OPCML: variants seen among roughly 807,000 people sequenced by gnomAD.
OPCML encodes opioid binding protein/cell adhesion molecule like, also known as opioid-binding protein/cell adhesion molecule.
A neutral mutation model predicts 37.8 loss-of-function variants in OPCML; 13 were observed. The observed-to-expected ratio is 0.34, with a 90% CI of 0.22 to 0.55. OPCML has a LOEUF of 0.55. Ranked by LOEUF, OPCML falls within the 20% of genes least tolerant of loss-of-function variation. The probability of loss-of-function intolerance (pLI) is 0.91; values close to 1 mark genes in which losing one functional copy is unlikely to be tolerated. For synonymous variants in OPCML, 176 were observed against 168.8 expected, an observed-to-expected ratio of 1.04 and a Z score of -0.33; for missense variants, 341 against 435.6, an observed-to-expected ratio of 0.78 and a Z score of 1.93.
intron 1 of OPCML, among the ~76,000 whole-genome samples, chr11:133,438,434 A>C (rs1946289844): frequency 1.3e-5 from 2 of 152,224 alleles, no homozygotes; most frequent in African/African-American, 2.4e-5. Flanking sequence ...GTAAAATTAA[A>C]GTATATCAGC....
At chr11:132,451,673 G>C (rs994588540) in intron 4 of OPCML, among the ~76,000 whole-genome samples, 2 of 152,196 alleles carry the variant, frequency 1.3e-5, no homozygotes, top group Non-Finnish European at 2.9e-5. Context: ...TGCTGCCCCT[G>C]CTGTGGGGCC....
chr11:133,327,562 C>G (rs1943503530), intron 1 of OPCML, among the ~76,000 whole-genome samples: 1 of 152,122 alleles, frequency 6.6e-6, no homozygotes, highest in South Asian at 2.1e-4. Context: ...CTCCTTAAGG[C>G]TATCTGCCCA....
intron 4 of OPCML, among the ~76,000 whole-genome samples, chr11:132,471,701 A>G (rs2096138498): frequency 6.6e-6 from 1 of 152,204 alleles, no homozygotes; most frequent in South Asian, 2.1e-4. Context: ...CATGCATTCC[A>G]GGAGTTGAGA....
At chr11:132,901,862 A>T (rs1017507915) in intron 2 of OPCML, among the ~76,000 whole-genome samples, 2 of 152,036 alleles carry the variant, frequency 1.3e-5, no homozygotes, top group African/African-American at 4.8e-5. Context: ...TTCCTTAAAA[A>T]TATATGTAAA....
At chr11:133,450,899 G>A (rs1246442301) in intron 1 of OPCML, among the ~76,000 whole-genome samples, 1 of 151,716 alleles carries the variant, frequency 6.6e-6, no homozygotes, top group Non-Finnish European at 1.5e-5. Flanking sequence ...AATAGACAGT[G>A]TACATTCTGA....
At chr11:132,779,660 T>G (rs1288180048) in intron 2 of OPCML, among the ~76,000 whole-genome samples, 1 of 152,122 alleles carries the variant, frequency 6.6e-6, no homozygotes, top group African/African-American at 2.4e-5. Flanking sequence ...CCAGACTCTC[T>G]GCATGCTTTC....
chr11:133,409,893 T>C (rs1289413492), intron 1 of OPCML, among the ~76,000 whole-genome samples: 1 of 151,962 alleles, frequency 6.6e-6, no homozygotes, highest in Non-Finnish European at 1.5e-5. Context: ...TGTGATGCAG[T>C]CTCTTCATAA....
chr11:132,498,284 A>C (rs1266379357), intron 4 of OPCML, among the ~76,000 whole-genome samples: 1 of 152,232 alleles, frequency 6.6e-6, no homozygotes, highest in Non-Finnish European at 1.5e-5. Context: ...GTCCAGCTGA[A>C]GTCCTACACA....
At chr11:133,267,894 C>T (rs1370372388) in intron 1 of OPCML, among the ~76,000 whole-genome samples, 1 of 152,148 alleles carries the variant, frequency 6.6e-6, no homozygotes, top group Non-Finnish European at 1.5e-5. Flanking sequence ...GTTGGGAGGC[C>T]TCCCCAGCCA....
chr11:132,659,401 G>A (rs1364424363), intron 2 of OPCML, among the ~76,000 whole-genome samples: 3 of 152,192 alleles, frequency 2.0e-5, no homozygotes, highest in Non-Finnish European at 2.9e-5. Flanking sequence ...TGTTTGAAGA[G>A]CTCCTCCTAA....
chr11:132,564,452 T>C (rs992624233), intron 3 of OPCML, among the ~76,000 whole-genome samples: 1 of 152,218 alleles, frequency 6.6e-6, no homozygotes, highest in African/African-American at 2.4e-5. Flanking sequence ...ACATCTCTTA[T>C]TTCTTCTGAA....
At chr11:132,827,130 G>A (rs2136267478) in intron 2 of OPCML, among the ~76,000 whole-genome samples, 1 of 152,190 alleles carries the variant, frequency 6.6e-6, no homozygotes, top group Non-Finnish European at 1.5e-5. Flanking sequence ...GAGAAGACAA[G>A]ACATAGGATG....
chr11:132,754,485 C>A (rs973320974), intron 2 of OPCML, among the ~76,000 whole-genome samples: 2 of 152,138 alleles, frequency 1.3e-5, no homozygotes, highest in Non-Finnish European at 2.9e-5. Flanking sequence ...GGCTTCCCAG[C>A]CACATGGAAC....
At chr11:132,634,594 T>C (rs1007235325) in intron 3 of OPCML, among the ~76,000 whole-genome samples, 5 of 152,178 alleles carry the variant, frequency 3.3e-5, no homozygotes, top group Non-Finnish European at 7.3e-5. Flanking sequence ...GATTATGTAG[T>C]GCTGCTTCCT....
At chr11:133,272,596 C>A (rs752328702) in intron 1 of OPCML, among the ~76,000 whole-genome samples, 1 of 152,038 alleles carries the variant, frequency 6.6e-6, no homozygotes, top group Non-Finnish European at 1.5e-5. Flanking sequence ...CGGGGACGCT[C>A]GGGGCAGGGT....
intron 4 of OPCML, among the ~76,000 whole-genome samples, chr11:132,479,814 C>CCTGT (rs1555134174): frequency 1.3e-5 from 2 of 152,176 alleles, no homozygotes; most frequent in Non-Finnish European, 2.9e-5. Flanking sequence ...AGCTGAGGGT[C>CCTGT]CTGTTAGAAG....
chr11:132,420,049 C>A lies in OPCML; in HGVS notation c.*144G>T. 20 of 318,726 alleles carry A rather than the reference C, an allele frequency of 6.3e-5. No individual in the cohort carries two copies. The highest frequency in any genetic ancestry group is 1.3e-4 in the South Asian group (4 of 29,908). The allele number at this position is 318,726 out of a possible 1,614,324, so 19.7% of individuals were successfully genotyped here. A position where few individuals can be genotyped will look rare whatever the true frequency, so the allele number is the denominator to read the frequency against. ...CAAGCTGGAAATAAAAGCAAACAAACAAATAAACAAAAACAAAAAGAAAAC... is the reference window on the plus strand; with the variant it reads ...CAAGCTGGAAATAAAAGCAAACAAAAAAATAAACAAAAACAAAAAGAAAAC... On this transcript the variant is annotated 3_prime_UTR_variant, in exon 8 of 8. Transcript: ENST00000524381.
intron 1 of OPCML, among the ~76,000 whole-genome samples, chr11:133,286,528 A>G (rs1052003155): frequency 6.6e-6 from 1 of 151,582 alleles, no homozygotes; most frequent in African/African-American, 2.4e-5. Context: ...ATTCACGACA[A>G]CCTCAGTGTT....
intron 2 of OPCML, among the ~76,000 whole-genome samples, chr11:132,866,334 T>A (rs989511043): frequency 1.3e-5 from 2 of 152,230 alleles, no homozygotes; most frequent in Admixed American, 1.3e-4. Context: ...AAGCGCATCA[T>A]GAAATCATCA....
Sources: gnomAD v4.1 joint callset for allele counts (sites outside exome capture counted in the v4.1 genomes callset) on GRCh38, gnomAD v4.1.1 for gene constraint, MANE v1.5 for transcripts, NCBI Gene and HGNC (gene_info 2026-07-23, HGNC 2026-07-21) for gene names.